ZNF236: variants seen among roughly 807,000 people sequenced by gnomAD.
ZNF236 encodes the protein zinc finger protein 236, also known as regulated by glucose.
In ZNF236, 50 loss-of-function variants were observed where a neutral mutation model predicts 191.2. That is an observed-to-expected ratio of 0.26 (90% CI 0.21 to 0.33). The LOEUF (loss-of-function observed/expected upper bound fraction) is 0.33, where lower values mean the gene tolerates loss of function less well. Ranked by LOEUF, ZNF236 falls within the 10% of genes least tolerant of loss-of-function variation. The pLI, the probability that ZNF236 is intolerant of heterozygous loss-of-function variation, is 1.00. For synonymous variants in ZNF236, 907 were observed against 928.8 expected, an observed-to-expected ratio of 0.98 and a Z score of 0.43; for missense variants, 1,754 against 2,374.5, an observed-to-expected ratio of 0.74 and a Z score of 5.43.
chr18:76,902,852 A>G (rs1425184082), intron 11 of ZNF236, among the ~76,000 whole-genome samples: 1 of 152,078 alleles, frequency 6.6e-6, no homozygotes, highest in Non-Finnish European at 1.5e-5. Context: ...TGGCCTCCCA[A>G]AGTGCTGGGA....
intron 1 of ZNF236, among the ~76,000 whole-genome samples, chr18:76,838,641 G>T (rs1975401014): frequency 6.6e-6 from 1 of 152,148 alleles, no homozygotes; most frequent in South Asian, 2.1e-4. Context: ...TACCAAAAAA[G>T]GCTAGGCCAC....
chr18:76,854,548 G>A (rs1975988883), intron 3 of ZNF236, among the ~76,000 whole-genome samples: 2 of 146,738 alleles, frequency 1.4e-5, no homozygotes. Flanking sequence ...GAGCTCAGGA[G>A]TTTGAGACTA....
rs372462259 is a variant in ZNF236, at chr18:76,966,333, T to TCACACA, written c.5420-1863_5420-1858dup. 1.7e-3 allele frequency among the ~76,000 whole-genome samples: 258 copies of TCACACA among 148,208 alleles called. 3 individuals carry two copies. The highest frequency in any genetic ancestry group is 8.8e-3 in the South Asian group (41 of 4,666). On this transcript the variant is annotated intron_variant, in intron 30 of 30. Coordinates refer to ENST00000320610, the MANE Select transcript of ZNF236 (RefSeq NM_001306089.2). Reference sequence around the variant, plus strand: ...GAAGTTGGCTATGGACTGCCCCCCTTCACACACACACACACACACACACAG... The same window carrying TCACACA: ...GAAGTTGGCTATGGACTGCCCCCCTTCACACACACACACACACACACACACACACAG...
chr18:76,894,993 C>T lies in ZNF236; in HGVS notation c.1418-20C>T, dbSNP rs1467154561. ...GGCGGGGTGTCCAGGCCAAGCGGGACGTGTCCTCTCCCTTCACAGGCTCCA... is the reference window on the plus strand; with the variant it reads ...GGCGGGGTGTCCAGGCCAAGCGGGATGTGTCCTCTCCCTTCACAGGCTCCA... On this transcript the variant is annotated intron_variant, in intron 9 of 30. Coordinates refer to ENST00000320610, the MANE Select transcript of ZNF236 (RefSeq NM_001306089.2). 1 of 1,605,152 alleles carries T rather than the reference C, an allele frequency of 6.2e-7. No individual in the cohort carries two copies. The highest frequency in any genetic ancestry group is 8.5e-7 in the Non-Finnish European group (1 of 1,179,182).
At chr18:76,916,028 T>A (rs1194946156) in intron 19 of ZNF236, among the ~76,000 whole-genome samples, 169 bp downstream of exon 19, 1 of 152,244 alleles carries the variant, frequency 6.6e-6, no homozygotes, top group Non-Finnish European at 1.5e-5. Context: ...TACATGCTCT[T>A]GGAAGAAAAA....
At chr18:76,883,812 G>A (rs1281964854) in intron 9 of ZNF236, among the ~76,000 whole-genome samples, 1 of 152,126 alleles carries the variant, frequency 6.6e-6, no homozygotes, top group African/African-American at 2.4e-5. Context: ...GATTATATCT[G>A]AAAATACCTC....
chr18:76,969,593 T>C lies in ZNF236; in HGVS notation c.*1254T>C, dbSNP rs1042870505. 13 of 152,626 alleles carry C rather than the reference T, an allele frequency of 8.5e-5. No individual in the cohort carries two copies. Among genetic ancestry groups the C allele is most frequent in the African/African-American group, 3.1e-4 (13 of 41,454 alleles). 9.5% of individuals were successfully genotyped at this position (152,626 alleles called of 1,614,324 possible). The stretch of plus-strand genomic sequence containing the variant: ...TTTTATTCATAAATGGATATCTTTT[T>C]CATTGTCATATAAAGCTGGGTTTTA... On this transcript the variant is annotated 3_prime_UTR_variant, in exon 31 of 31. Transcript: ENST00000320610.
intron 11 of ZNF236, among the ~76,000 whole-genome samples, chr18:76,900,658 T>G (rs1446635255): frequency 6.6e-6 from 1 of 152,208 alleles, no homozygotes; most frequent in Admixed American, 6.5e-5. Flanking sequence ...GAGTATTATG[T>G]AAACAGATTG....
chr18:76,936,228 G>A, intron 25 of ZNF236: 3 of 441,510 alleles, frequency 6.8e-6, no homozygotes, highest in South Asian at 4.8e-5. Flanking sequence ...GGCATCCTTA[G>A]CAACTGGCAC....
chr18:76,892,939 C>T (rs879563810), intron 9 of ZNF236, among the ~76,000 whole-genome samples: 1 of 152,236 alleles, frequency 6.6e-6, no homozygotes, highest in Non-Finnish European at 1.5e-5. Flanking sequence ...ATCTAGCTTT[C>T]CGGATCTTTC....
At chr18:76,861,680 G>A (rs1164679590) in intron 3 of ZNF236, among the ~76,000 whole-genome samples, 3 of 152,038 alleles carry the variant, frequency 2.0e-5, no homozygotes, top group African/African-American at 7.2e-5. Context: ...ACCTTTAATT[G>A]TATTTAAAAA....
At chr18:76,908,890 G>A (rs1485192412) in intron 14 of ZNF236, among the ~76,000 whole-genome samples, 3 of 151,850 alleles carry the variant, frequency 2.0e-5, no homozygotes, top group Admixed American at 6.6e-5. Flanking sequence ...AAAATCTACC[G>A]TCCTTATTTT....
At chr18:76,944,598 C>T (rs1421816824) in intron 26 of ZNF236, among the ~76,000 whole-genome samples, 1 of 151,958 alleles carries the variant, frequency 6.6e-6, no homozygotes, top group African/African-American at 2.4e-5. Flanking sequence ...TTGGCCAACA[C>T]GGTGAAACCC....
At chr18:76,948,493 T>C (rs903848854) in intron 27 of ZNF236, among the ~76,000 whole-genome samples, 1 of 152,202 alleles carries the variant, frequency 6.6e-6, no homozygotes, top group Non-Finnish European at 1.5e-5. Flanking sequence ...AAGGTCTCAC[T>C]GGATTCAGAA....
At chr18:76,842,518 G>A (rs1222402345) in intron 1 of ZNF236, among the ~76,000 whole-genome samples, 2 of 151,430 alleles carry the variant, frequency 1.3e-5, no homozygotes, top group African/African-American at 4.9e-5. Flanking sequence ...TTGGGAGGCC[G>A]AGGTGGGCAG....
At chr18:76,828,468 G>T (rs1363446459) in intron 1 of ZNF236, among the ~76,000 whole-genome samples, 1 of 152,124 alleles carries the variant, frequency 6.6e-6, no homozygotes, top group African/African-American at 2.4e-5. Flanking sequence ...ACGCCTGCCA[G>T]ACTTTATCCT....
At chr18:76,870,839 C>T (rs748560263) in intron 4 of ZNF236, among the ~76,000 whole-genome samples, 4 of 152,044 alleles carry the variant, frequency 2.6e-5, no homozygotes, top group Non-Finnish European at 4.4e-5. Flanking sequence ...AGAGCCTGCC[C>T]GGCGGGGCTG....
intron 17 of ZNF236, among the ~76,000 whole-genome samples, chr18:76,913,359 T>C (rs1967268303): frequency 6.6e-6 from 1 of 152,220 alleles, no homozygotes; most frequent in African/African-American, 2.4e-5. Context: ...GTGATTCTGC[T>C]TCTGAGGCAA....
chr18:76,902,479 G>A (rs1977624166), intron 11 of ZNF236, among the ~76,000 whole-genome samples: 1 of 152,176 alleles, frequency 6.6e-6, no homozygotes, highest in Non-Finnish European at 1.5e-5. Flanking sequence ...TGCCATCACT[G>A]TTTTTGAGAA....
Sources: gnomAD v4.1 joint callset for allele counts (sites outside exome capture counted in the v4.1 genomes callset) on GRCh38, gnomAD v4.1.1 for gene constraint, MANE v1.5 for transcripts, NCBI Gene and HGNC (gene_info 2026-07-23, HGNC 2026-07-21) for gene names.